TFCP2L1: variants seen among roughly 807,000 people sequenced by gnomAD.
The protein encoded by TFCP2L1 is transcription factor CP2 like 1.
Under a neutral mutation model 72.2 loss-of-function variants are expected in TFCP2L1, and 12 were observed. That is an observed-to-expected ratio of 0.17 (90% CI 0.11 to 0.27). The LOEUF is 0.27. TFCP2L1 is among the 10% of genes least tolerant of loss of function. The pLI, the probability that TFCP2L1 is intolerant of heterozygous loss-of-function variation, is 1.00. For synonymous variants in TFCP2L1, 260 were observed against 251.0 expected (o/e 1.04, Z -0.34); for missense variants, 488 against 624.6 (o/e 0.78, Z 2.33).
chr2:121,244,374 T>A (rs888821204), intron 6 of TFCP2L1, among the ~76,000 whole-genome samples: 6 of 152,190 alleles, frequency 3.9e-5, no homozygotes, highest in African/African-American at 1.4e-4. Flanking sequence ...GCAGCTTGGC[T>A]CGGCTCAGCC....
intron 2 of TFCP2L1, among the ~76,000 whole-genome samples, chr2:121,276,586 T>C (rs1403502252): frequency 1.3e-5 from 2 of 148,226 alleles, no homozygotes; most frequent in East Asian, 2.0e-4. Flanking sequence ...TGAGCTGAGA[T>C]GGAGCTACTG....
intron 2 of TFCP2L1, among the ~76,000 whole-genome samples, chr2:121,251,042 T>C (rs1264587359): frequency 6.6e-6 from 1 of 151,786 alleles, no homozygotes; most frequent in Non-Finnish European, 1.5e-5. Context: ...GTGGGATCAC[T>C]TGTGGTCAGG....
chr2:121,280,522 C>A (rs370981105), intron 2 of TFCP2L1, among the ~76,000 whole-genome samples: 1 of 152,210 alleles, frequency 6.6e-6, no homozygotes, highest in South Asian at 2.1e-4. Context: ...CTTTGGGAGG[C>A]GCAGGCAGGT....
At chr2:121,235,773 G>A (rs184066313) in intron 10 of TFCP2L1, among the ~76,000 whole-genome samples, 11 of 151,436 alleles carry the variant, frequency 7.3e-5, no homozygotes, top group African/African-American at 2.7e-4. Flanking sequence ...CATCAGCACA[G>A]GGCACTGGCC....
At chr2:121,228,219 C>T (rs1448216606) in intron 13 of TFCP2L1, among the ~76,000 whole-genome samples, 1 of 152,232 alleles carries the variant, frequency 6.6e-6, no homozygotes, top group African/African-American at 2.4e-5. Flanking sequence ...CTCTTGAGCA[C>T]ACAGGACAAG....
At chr2:121,250,836 A>C (rs1438389966) in intron 2 of TFCP2L1, among the ~76,000 whole-genome samples, 10 of 151,676 alleles carry the variant, frequency 6.6e-5, no homozygotes, top group Admixed American at 5.9e-4. Flanking sequence ...CAAACTCCTG[A>C]CCTCGTGATT....
chr2:121,225,453 C>A, intron 14 of TFCP2L1, 109 bp downstream of exon 14: 1 of 1,086,806 alleles, frequency 9.2e-7, no homozygotes, highest in Non-Finnish European at 1.4e-6. Context: ...CTTTCTTTTT[C>A]TCAAAGGCTT....
At chr2:121,266,217 C>T (rs992415672) in intron 2 of TFCP2L1, among the ~76,000 whole-genome samples, 16 of 151,542 alleles carry the variant, frequency 1.1e-4, no homozygotes, top group Non-Finnish European at 1.5e-4. Flanking sequence ...CCCTGAAACC[C>T]GACTCAGGAT....
At chr2:121,265,785 A>G (rs1286754262) in intron 2 of TFCP2L1, among the ~76,000 whole-genome samples, 1 of 152,060 alleles carries the variant, frequency 6.6e-6, no homozygotes, top group Non-Finnish European at 1.5e-5. Flanking sequence ...TGCCTGGCCA[A>G]GAGTGGCTCC....
At chr2:121,272,635 T>C (rs929380668) in intron 2 of TFCP2L1, among the ~76,000 whole-genome samples, 2 of 152,186 alleles carry the variant, frequency 1.3e-5, no homozygotes, top group African/African-American at 4.8e-5. Context: ...GCAAAAGTTA[T>C]CAAAGTCTCA....
chr2:121,247,958 C>T (rs1184923845), intron 5 of TFCP2L1, among the ~76,000 whole-genome samples: 1 of 152,270 alleles, frequency 6.6e-6, no homozygotes, highest in Admixed American at 6.5e-5. Flanking sequence ...AATTCTAAAA[C>T]CCTCCCCACT....
chr2:121,256,516 ACCTATAATC>A (rs1425380010), intron 2 of TFCP2L1, among the ~76,000 whole-genome samples: 10 of 152,136 alleles, frequency 6.6e-5, no homozygotes, highest in Admixed American at 2.0e-4. Context: ...AGTGGTTCAC[ACCTATAATC>A]CCAGCACTTT....
At chr2:121,279,573 G>A (rs1317450667) in intron 2 of TFCP2L1, among the ~76,000 whole-genome samples, 4 of 152,222 alleles carry the variant, frequency 2.6e-5, no homozygotes, top group Non-Finnish European at 2.9e-5. Flanking sequence ...GAGGCAGACA[G>A]AGCCAGCTGC....
intron 11 of TFCP2L1, 185 bp from the exon 12 acceptor site, chr2:121,234,379 C>T (rs897659675): frequency 6.8e-6 from 4 of 591,088 alleles, no homozygotes; most frequent in Non-Finnish European, 1.2e-5. Flanking sequence ...CCAAGGGGCA[C>T]TCTGCCCCAG....
chr2:121,234,757 C>T (rs965267331), intron 11 of TFCP2L1, among the ~76,000 whole-genome samples: 4 of 152,250 alleles, frequency 2.6e-5, no homozygotes, highest in Non-Finnish European at 4.4e-5. Flanking sequence ...GTGGCCAGCA[C>T]GGCTGCAGAA....
chr2:121,269,918 A>AAAAAAAAAAAAAAAAAAAATATAT, intron 2 of TFCP2L1, among the ~76,000 whole-genome samples: 4 of 115,178 alleles, frequency 3.5e-5, no homozygotes, highest in Non-Finnish European at 5.0e-5. Flanking sequence ...AAAAAAAAAA[A>AAAAAAAAAAAAAAAAAAAATATAT]ATATATATAT....
chr2:121,269,907 TAA>T (rs398104671), intron 2 of TFCP2L1, among the ~76,000 whole-genome samples: 1,240 of 77,614 alleles, frequency 0.016, 26 homozygotes, highest in Middle Eastern at 0.045. Context: ...AGACTCCATC[TAA>T]AAAAAAAAAA....
intron 6 of TFCP2L1, among the ~76,000 whole-genome samples, chr2:121,243,965 G>A (rs530082615): frequency 3.9e-5 from 6 of 152,238 alleles, no homozygotes; most frequent in South Asian, 2.1e-4. Context: ...TTGGGGCCCC[G>A]CTGCCTTGGA....
chr2:121,227,333 AT>A (rs1197786867), intron 13 of TFCP2L1, among the ~76,000 whole-genome samples: 2 of 152,246 alleles, frequency 1.3e-5, no homozygotes, highest in East Asian at 3.9e-4. Flanking sequence ...AGTTTTACAA[AT>A]TTTTTCCATA....
Sources: gnomAD v4.1 joint callset for allele counts (sites outside exome capture counted in the v4.1 genomes callset) on GRCh38, gnomAD v4.1.1 for gene constraint, MANE v1.5 for transcripts, NCBI Gene and HGNC (gene_info 2026-07-23, HGNC 2026-07-21) for gene names.